TAS2R41: variants seen among roughly 807,000 people sequenced by gnomAD.
The protein encoded by TAS2R41 is taste 2 receptor member 41.
A neutral mutation model predicts 25.1 loss-of-function variants in TAS2R41; 33 were observed. The observed-to-expected ratio is 1.31, with a 90% CI of 1.00 to 1.76. The LOEUF is 1.76. TAS2R41 is among the 40% of genes most tolerant of loss of function. The probability of loss-of-function intolerance (pLI) is 0.00; values close to 1 mark genes in which losing one functional copy is unlikely to be tolerated. For missense variants in TAS2R41, 319 were observed against 359.4 expected (o/e 0.89, Z 0.91); for synonymous variants, 151 against 151.6 (o/e 1.00, Z 0.03).
rs1032830735 is a variant in TAS2R41, at chr7:143,478,681, T to C, written c.809T>C (p.Ile270Thr). ...MQNDFYWPWQ[I>T]AVYLCISVHP... The stretch of plus-strand genomic sequence containing the variant: ...AACGACTTTTACTGGCCATGGCAAA[T>C]TGCAGTCTACCTGTGCATATCTGTC... The change falls in exon 1 of 1, where the codon ATT becomes ACT. Residue 270 changes from isoleucine to threonine, a missense_variant. Ile to Thr is a moderately conservative substitution (Grantham distance 89, BLOSUM62 -1). Transcript: ENST00000408916. 2 of 1,614,074 alleles carry C rather than the reference T, an allele frequency of 1.2e-6. No homozygotes were observed. Among genetic ancestry groups the C allele is most frequent in the Middle Eastern group, 1.6e-4 (1 of 6,062 alleles).
Position 143,478,274 on chromosome 7 carries a change from G to A in TAS2R41, c.402G>A (p.Leu134=). The A allele has an allele frequency of 6.2e-7, 1 of 1,614,024 alleles. No individual in the cohort carries two copies. The highest frequency in any genetic ancestry group is 8.5e-7 in the Non-Finnish European group (1 of 1,179,998). ...WRFPGWVPWL[L]LGSVLISFII... is the part of the protein sequence containing the mutation. ...TCCCAGGGTGGGTGCCCTGGCTCCT[G>A]TTGGGCTCTGTCCTGATCTCCTTCA... The change falls in exon 1 of 1, where the codon CTG becomes CTA. Residue 134 remains leucine, a synonymous_variant. Coordinates refer to ENST00000408916, the MANE Select transcript of TAS2R41 (RefSeq NM_176883.2).
Position 143,478,626 on chromosome 7 carries a change from A to G in TAS2R41, c.754A>G (p.Ile252Val). Residue 252 changes from isoleucine (I) to valine (V), a missense_variant, in exon 1 of 1, where the codon ATT (isoleucine) becomes GTT (valine). By Grantham distance (29) the Ile-to-Val change is conservative (BLOSUM62 3). Transcript: ENST00000408916. The stretch of plus-strand genomic sequence containing the variant: ...TGCTCTGTCCTTTCTGTCCCTGATC[A>G]TTGATGCCGCAAAATTTATCTCCAT... ...LYALSFLSLI[I>V]DAAKFISMQN... The G allele has an allele frequency of 6.2e-7, 1 of 1,614,042 alleles. No individual in the cohort carries two copies. The highest frequency in any genetic ancestry group is 8.5e-7 in the Non-Finnish European group (1 of 1,180,010).
Position 143,478,394 on chromosome 7 carries a change from A to G in TAS2R41, c.522A>G (p.Thr174=). 1 of 1,614,148 alleles carries G rather than the reference A, an allele frequency of 6.2e-7. No individual in the cohort carries two copies. Residue 174 remains threonine (T), a synonymous_variant, in exon 1 of 1, where the codon ACA becomes ACG. Transcript: ENST00000408916. ...FSGNMTYKWN[T]RIETYYFPSL... is the part of the protein sequence containing the mutation. ...GGAACATGACCTACAAGTGGAATAC[A>G]AGGATAGAAACATACTATTTCCCAT...
chr7:143,477,911 T>C lies in TAS2R41; in HGVS notation c.39T>C (p.Phe13=), dbSNP rs61745553. 3.1e-6 allele frequency: 5 copies of C among 1,614,046 alleles called. No homozygotes were observed. Among genetic ancestry groups the C allele is most frequent in the African/African-American group, 2.7e-5 (2 of 74,926 alleles). ...AALTAFFVLL[F]SLLSLLGIAA... is the part of the protein sequence containing the mutation. ...TGACGGCCTTCTTCGTGTTGCTCTT[T>C]AGCCTGCTGAGTCTTCTGGGGATTG... The change falls in exon 1 of 1, where the codon TTT becomes TTC. Residue 13 remains phenylalanine, a synonymous_variant. Transcript: ENST00000408916. This position sits in a 1 kb window ranked among gnomAD's most constrained non-coding sequence, Gnocchi z 4.0.
Position 143,477,899 on chromosome 7 carries a change from C to T in TAS2R41, c.27C>T (p.Phe9=), listed in dbSNP as rs556095942. Reference sequence around the variant, plus strand: ...TGCAAGCAGCACTGACGGCCTTCTTCGTGTTGCTCTTTAGCCTGCTGAGTC... The same window carrying T: ...TGCAAGCAGCACTGACGGCCTTCTTTGTGTTGCTCTTTAGCCTGCTGAGTC... MQAALTAF[F]VLLFSLLSLL... is the part of the protein sequence containing the mutation. The change falls in exon 1 of 1, where the codon TTC becomes TTT. Residue 9 remains phenylalanine (F), a synonymous_variant. Transcript: ENST00000408916. The surrounding 1 kb of genome is among the most constrained non-coding windows in gnomAD (Gnocchi z 4.0). The T allele has an allele frequency of 3.2e-5, 52 of 1,613,974 alleles. No homozygotes were observed. The highest frequency in any genetic ancestry group is 3.3e-4 in the Middle Eastern group (2 of 6,078).
At position 143,478,025 on chromosome 7, in the gene TAS2R41, G is replaced by A. The variant is rs763952748; in HGVS notation, c.153G>A (p.Leu51=). 4.6e-5 allele frequency: 75 copies of A among 1,613,996 alleles called. 1 individual carries two copies. The South Asian group carries it at 8.2e-4, about 18-fold the overall frequency. ...LLPLDMILIS[L]GASRFCLQLV... is the part of the protein sequence containing the mutation. The stretch of plus-strand genomic sequence containing the variant: ...CCTTGGATATGATCCTCATTAGCTT[G>A]GGTGCCTCCCGCTTCTGCCTGCAGT... Residue 51 remains leucine (L), a synonymous_variant, in exon 1 of 1, where the codon TTG becomes TTA. Transcript: ENST00000408916.
In TAS2R41 at chr7:143,478,522, A is replaced by G; in HGVS notation, c.650A>G (p.Asn217Ser). 6.2e-7 allele frequency: 1 copy of G among 1,614,072 alleles called. No homozygotes were observed. The highest frequency in any genetic ancestry group is 8.5e-7 in the Non-Finnish European group (1 of 1,180,000). Residue 217 changes from asparagine (N) to serine (S), a missense_variant, in exon 1 of 1, where the codon AAC becomes AGC. Coordinates refer to ENST00000408916, the MANE Select transcript of TAS2R41 (RefSeq NM_176883.2). ...LRRHTQRMQH[N>S]GHSLQDPSTQ... is the part of the protein sequence containing the mutation. ...AGGCATACTCAGAGAATGCAGCACA[A>G]CGGGCACAGCCTGCAGGACCCCAGC...
Position 143,478,757 on chromosome 7 carries a change from G to T in TAS2R41, c.885G>T (p.Ser295=). Residue 295 remains serine, a synonymous_variant, in exon 1 of 1, where the codon TCG becomes TCT. Transcript: ENST00000408916. Reference sequence around the variant, plus strand: ...ACCTCAAGCTTCGAAGCGTGTTCTCGCAGCTCCTGTTGTTGGCAAGGGGCT... The same window carrying T: ...ACCTCAAGCTTCGAAGCGTGTTCTCTCAGCTCCTGTTGTTGGCAAGGGGCT... ...FSNLKLRSVF[S]QLLLLARGFW... is the part of the protein sequence containing the mutation. 1 of 1,613,964 alleles carries T rather than the reference G, an allele frequency of 6.2e-7. No homozygotes were observed. Among genetic ancestry groups the T allele is most frequent in the South Asian group, 1.1e-5 (1 of 91,052 alleles).
In TAS2R41 at chr7:143,478,112, C is replaced by T. The variant is rs751421038; in HGVS notation, c.240C>T (p.Leu80=). Residue 80 remains leucine (L), a synonymous_variant, in exon 1 of 1, where the codon CTC becomes CTT. Transcript: ENST00000408916. ...AGAAGGTCGAGTACTCTGGGGGTCT[C>T]GGCCGACAGTTCTTCCATCTACACT... ...SAQKVEYSGG[L]GRQFFHLHWH... 1.8e-5 allele frequency: 29 copies of T among 1,613,438 alleles called. No individual in the cohort carries two copies. The highest frequency in any genetic ancestry group is 8.9e-5 in the East Asian group (4 of 44,834).
At position 143,477,934 on chromosome 7, in the gene TAS2R41, T is replaced by C. The variant is rs754668739; in HGVS notation, c.62T>C (p.Ile21Thr). 2.2e-5 allele frequency: 36 copies of C among 1,614,004 alleles called. No individual in the cohort carries two copies. The highest frequency in any genetic ancestry group is 2.9e-5 in the Non-Finnish European group (34 of 1,180,034). ...TTTAGCCTGCTGAGTCTTCTGGGGATTGCAGCGAATGGCTTCATTGTGCTG... is the reference window on the plus strand; with the variant it reads ...TTTAGCCTGCTGAGTCTTCTGGGGACTGCAGCGAATGGCTTCATTGTGCTG... ...LLFSLLSLLG[I>T]AANGFIVLVL... The change falls in exon 1 of 1, where the codon ATT becomes ACT. Residue 21 changes from isoleucine (I) to threonine (T), a missense_variant. By Grantham distance (89) the Ile-to-Thr change is moderately conservative (BLOSUM62 -1). Transcript: ENST00000408916. This position sits in a 1 kb window ranked among gnomAD's most constrained non-coding sequence, Gnocchi z 4.0.
rs546304222 is a variant in TAS2R41, at chr7:143,478,744, G to A, written c.872G>A (p.Arg291Gln). ...FILIFSNLKL[R>Q]SVFSQLLLLA... Reference sequence around the variant, plus strand: ...CTCATCTTCAGCAACCTCAAGCTTCGAAGCGTGTTCTCGCAGCTCCTGTTG... The same window carrying A: ...CTCATCTTCAGCAACCTCAAGCTTCAAAGCGTGTTCTCGCAGCTCCTGTTG... Residue 291 changes from arginine to glutamine, a missense_variant, in exon 1 of 1, where the codon CGA becomes CAA. Coordinates refer to ENST00000408916, the MANE Select transcript of TAS2R41 (RefSeq NM_176883.2). 9.9e-6 allele frequency: 16 copies of A among 1,614,058 alleles called. No individual in the cohort carries two copies. Among genetic ancestry groups the A allele is most frequent in the East Asian group, 2.2e-5 (1 of 44,866 alleles).
At position 143,478,049 on chromosome 7, in the gene TAS2R41, G is replaced by T. The variant is rs1232330409; in HGVS notation, c.177G>T (p.Gln59His). ...ISLGASRFCL[Q>H]LVGTVHNFYY... ...TGGGTGCCTCCCGCTTCTGCCTGCA[G>T]TTGGTTGGGACGGTGCACAACTTCT... The change falls in exon 1 of 1, where the codon CAG (glutamine) becomes CAT (histidine). Residue 59 changes from glutamine (Q) to histidine (H), a missense_variant. By Grantham distance (24) the Gln-to-His change is conservative. Coordinates refer to ENST00000408916, the MANE Select transcript of TAS2R41 (RefSeq NM_176883.2). 4 of 1,614,054 alleles carry T rather than the reference G, an allele frequency of 2.5e-6. No individual in the cohort carries two copies. Among genetic ancestry groups the T allele is most frequent in the Non-Finnish European group, 3.4e-6 (4 of 1,180,046 alleles).
Position 143,478,220 on chromosome 7 carries a change from C to G in TAS2R41, c.348C>G (p.His116Gln). ...LFCVKIANIT[H>Q]STFLWLKWRF... ...GTGTGAAGATTGCTAACATCACACA[C>G]TCCACCTTCCTGTGGCTGAAGTGGA... The change falls in exon 1 of 1, where the codon CAC becomes CAG. Residue 116 changes from histidine to glutamine, a missense_variant. Physicochemically the swap from His to Gln is conservative, Grantham distance 24. Transcript: ENST00000408916. The G allele has an allele frequency of 1.2e-6, 2 of 1,614,108 alleles. No individual in the cohort carries two copies. Among genetic ancestry groups the G allele is most frequent in the Non-Finnish European group, 1.7e-6 (2 of 1,180,010 alleles).
chr7:143,477,988 G>A lies in TAS2R41; in HGVS notation c.116G>A (p.Gly39Asp), dbSNP rs770331312. 6.2e-7 allele frequency: 1 copy of A among 1,614,148 alleles called. No individual in the cohort carries two copies. The highest frequency in any genetic ancestry group is 1.1e-5 in the South Asian group (1 of 91,078). The change falls in exon 1 of 1, where the codon GGC (glycine) becomes GAC (aspartate). Residue 39 changes from glycine (G) to aspartate (D), a missense_variant. By Grantham distance (94) the Gly-to-Asp change is moderately conservative (BLOSUM62 -1). Coordinates refer to ENST00000408916, the MANE Select transcript of TAS2R41 (RefSeq NM_176883.2). The surrounding 1 kb of genome is among the most constrained non-coding windows in gnomAD (Gnocchi z 4.0). ...LVLGREWLRY[G>D]RLLPLDMILI... ...CTGGGCAGGGAGTGGCTGCGATATG[G>A]CAGGTTGCTGCCCTTGGATATGATC... is the stretch of plus-strand genomic sequence containing the variant.
chr7:143,478,270 T>C lies in TAS2R41; in HGVS notation c.398T>C (p.Leu133Pro), dbSNP rs1431527282. 1.2e-6 allele frequency: 2 copies of C among 1,614,066 alleles called. No homozygotes were observed. Among genetic ancestry groups the C allele is most frequent in the Non-Finnish European group, 1.7e-6 (2 of 1,179,994 alleles). ...KWRFPGWVPW[L>P]LLGSVLISFI... ...AGGTTCCCAGGGTGGGTGCCCTGGC[T>C]CCTGTTGGGCTCTGTCCTGATCTCC... Residue 133 changes from leucine to proline, a missense_variant, in exon 1 of 1, where the codon CTC (leucine) becomes CCC (proline). Leu to Pro is a moderately conservative substitution (Grantham distance 98). Coordinates refer to ENST00000408916, the MANE Select transcript of TAS2R41 (RefSeq NM_176883.2).
chr7:143,478,677 C>G lies in TAS2R41; in HGVS notation c.805C>G (p.Gln269Glu). Residue 269 changes from glutamine (Q) to glutamate (E), a missense_variant, in exon 1 of 1, where the codon CAA becomes GAA. Physicochemically the swap from Gln to Glu is conservative, Grantham distance 29. Transcript: ENST00000408916. ...SMQNDFYWPW[Q>E]IAVYLCISVH... is the part of the protein sequence containing the mutation. ...GCAGAACGACTTTTACTGGCCATGG[C>G]AAATTGCAGTCTACCTGTGCATATC... The G allele has an allele frequency of 6.2e-7, 1 of 1,614,126 alleles. No homozygotes were observed.
In TAS2R41 at chr7:143,477,941, G is replaced by C; in HGVS notation, c.69G>C (p.Ala23=). 5 of 1,614,098 alleles carry C rather than the reference G, an allele frequency of 3.1e-6. No individual in the cohort carries two copies. Among genetic ancestry groups the C allele is most frequent in the Non-Finnish European group, 4.2e-6 (5 of 1,180,034 alleles). Residue 23 remains alanine, a synonymous_variant, in exon 1 of 1, where the codon GCG becomes GCC. Coordinates refer to ENST00000408916, the MANE Select transcript of TAS2R41 (RefSeq NM_176883.2). The surrounding 1 kb of genome is among the most constrained non-coding windows in gnomAD (Gnocchi z 4.0). ...TGCTGAGTCTTCTGGGGATTGCAGC[G>C]AATGGCTTCATTGTGCTGGTGCTGG... is the stretch of plus-strand genomic sequence containing the variant. ...FSLLSLLGIA[A]NGFIVLVLGR...
Position 143,478,748 on chromosome 7 carries a change from C to A in TAS2R41, c.876C>A (p.Ser292Arg), listed in dbSNP as rs202050176. 1.9e-6 allele frequency: 3 copies of A among 1,614,134 alleles called. No homozygotes were observed. The highest frequency in any genetic ancestry group is 2.5e-6 in the Non-Finnish European group (3 of 1,179,986). The change falls in exon 1 of 1, where the codon AGC becomes AGA. Residue 292 changes from serine to arginine, a missense_variant. By Grantham distance (110) the Ser-to-Arg change is moderately radical. Transcript: ENST00000408916. ...TCTTCAGCAACCTCAAGCTTCGAAG[C>A]GTGTTCTCGCAGCTCCTGTTGTTGG... ...ILIFSNLKLR[S>R]VFSQLLLLAR...
chr7:143,478,502 T>C lies in TAS2R41; in HGVS notation c.630T>C (p.His210=). ...TGTTAATTAATTCTCTGAGGAGGCA[T>C]ACTCAGAGAATGCAGCACAACGGGC... ...IMLLINSLRR[H]TQRMQHNGHS... is the part of the protein sequence containing the mutation. Residue 210 remains histidine, a synonymous_variant, in exon 1 of 1, where the codon CAT becomes CAC. Transcript: ENST00000408916. The C allele has an allele frequency of 5.0e-6, 8 of 1,614,088 alleles. No homozygotes were observed. Among genetic ancestry groups the C allele is most frequent in the Non-Finnish European group, 6.8e-6 (8 of 1,180,008 alleles).
Sources: allele counts gnomAD v4.1 joint callset, GRCh38; gene constraint gnomAD v4.1.1; non-coding constraint Gnocchi (gnomAD v3.1); transcripts MANE v1.5; gene names NCBI Gene and HGNC (gene_info 2026-07-23, HGNC 2026-07-21).